ARID4B: variants seen among roughly 807,000 people sequenced by gnomAD.
ARID4B encodes the protein AT-rich interactive domain-containing protein 4B.
ARID4B carries 26 observed loss-of-function variants against 147.5 expected under a neutral mutation model. The ratio of observed to expected loss-of-function variants is 0.18; its 90% CI spans 0.13 to 0.24. ARID4B has a LOEUF of 0.24. Ranked by LOEUF, ARID4B falls within the 10% of genes least tolerant of loss-of-function variation. ARID4B has a pLI of 1.00. For synonymous variants in ARID4B, 512 were observed against 507.9 expected, an observed-to-expected ratio of 1.01 and a Z score of -0.11; for missense variants, 1,179 against 1,511.5, an observed-to-expected ratio of 0.78 and a Z score of 3.65.
At chr1:235,315,750 G>A (rs372576696) in intron 2 of ARID4B, among the ~76,000 whole-genome samples, 2 of 152,138 alleles carry the variant, frequency 1.3e-5, no homozygotes, top group African/African-American at 4.8e-5. Flanking sequence ...ACGTCTAACT[G>A]TATCCTAAAG....
chr1:235,244,524 AAAT>A (rs1669179644), intron 7 of ARID4B, among the ~76,000 whole-genome samples: 1 of 152,186 alleles, frequency 6.6e-6, no homozygotes. Context: ...TAAAAAAAGA[AAAT>A]ACTTGAACTT....
chr1:235,239,156 G>A (rs1235976005), intron 8 of ARID4B, among the ~76,000 whole-genome samples: 3 of 151,950 alleles, frequency 2.0e-5, no homozygotes, highest in Non-Finnish European at 4.4e-5. Context: ...ATTTTTAGTA[G>A]AGACGGGGTT....
intron 17 of ARID4B, among the ~76,000 whole-genome samples, chr1:235,208,427 AT>A (rs911523961): frequency 1.3e-4 from 20 of 152,136 alleles, no homozygotes; most frequent in South Asian, 4.2e-4. Context: ...GCAGAACTAA[AT>A]TTTTTTTAAA....
intron 21 of ARID4B, among the ~76,000 whole-genome samples, chr1:235,177,055 G>A (rs935468736): frequency 2.0e-5 from 3 of 152,214 alleles, no homozygotes; most frequent in Admixed American, 2.0e-4. Flanking sequence ...TTAGCAAAAA[G>A]TATTGTTTGT....
At chr1:235,277,848 T>C (rs1288513460) in intron 2 of ARID4B, among the ~76,000 whole-genome samples, 1 of 152,104 alleles carries the variant, frequency 6.6e-6, no homozygotes, top group Non-Finnish European at 1.5e-5. Flanking sequence ...TAAGGAAACA[T>C]ATTTAAGTCA....
intron 6 of ARID4B, among the ~76,000 whole-genome samples, chr1:235,251,283 A>G (rs966149176): frequency 2.0e-5 from 3 of 152,088 alleles, no homozygotes; most frequent in African/African-American, 7.2e-5. Flanking sequence ...CAATTTGGGT[A>G]GAGAGCTCAC....
chr1:235,175,007 G>A (rs1265844139), intron 22 of ARID4B, among the ~76,000 whole-genome samples, 177 bp downstream of exon 22: 1 of 152,214 alleles, frequency 6.6e-6, no homozygotes, highest in East Asian at 1.9e-4. Flanking sequence ...TTGGGAGGCT[G>A]AGGCAGGAGG....
intron 18 of ARID4B, 93 bp from the exon 19 acceptor site, chr1:235,194,304 T>A: frequency 1.1e-6 from 1 of 928,924 alleles, no homozygotes; most frequent in Non-Finnish European, 1.6e-6. Context: ...TTACAGAATA[T>A]GTTGTTAAAT....
intron 2 of ARID4B, among the ~76,000 whole-genome samples, chr1:235,318,451 C>T (rs2103298986): frequency 6.6e-6 from 1 of 152,100 alleles, no homozygotes; most frequent in African/African-American, 2.4e-5. Context: ...GGATTACAGG[C>T]GTGAGCCATC....
At chr1:235,260,255 T>G (rs904462975) in intron 3 of ARID4B, among the ~76,000 whole-genome samples, 1 of 152,168 alleles carries the variant, frequency 6.6e-6, no homozygotes, top group African/African-American at 2.4e-5. Flanking sequence ...TGCCTTAAAA[T>G]TGATGAACTA....
At chr1:235,193,679 C>T (rs1665281653) in intron 19 of ARID4B, among the ~76,000 whole-genome samples, 1 of 152,194 alleles carries the variant, frequency 6.6e-6, no homozygotes, top group South Asian at 2.1e-4. Context: ...ACAGGTTGAA[C>T]ATCCCAAATC....
chr1:235,321,576 G>A (rs1017935147), intron 2 of ARID4B, among the ~76,000 whole-genome samples: 1 of 152,112 alleles, frequency 6.6e-6, no homozygotes, highest in Non-Finnish European at 1.5e-5. Context: ...CGTGATCTCG[G>A]CTCACTGCAA....
At chr1:235,325,799 A>G (rs1395888202) in intron 2 of ARID4B, among the ~76,000 whole-genome samples, 1 of 152,260 alleles carries the variant, frequency 6.6e-6, no homozygotes, top group Non-Finnish European at 1.5e-5. Flanking sequence ...CCTTAAAAAA[A>G]TTAGACTAAA....
chr1:235,236,834 ATAT>A lies in ARID4B; in HGVS notation c.586-2345_586-2343del, dbSNP rs1286864216. Among the ~76,000 whole-genome samples, 8 of 21,162 alleles carry A rather than the reference ATAT, an allele frequency of 3.8e-4. No homozygotes were observed. The East Asian group carries it at 0.01, about 27-fold the overall frequency. The allele number at this position is 21,162 out of a possible 152,430, so 13.9% of individuals were successfully genotyped here. A position where few individuals can be genotyped will look rare whatever the true frequency, so the allele number is the denominator to read the frequency against. On this transcript the variant is annotated intron_variant, in intron 8 of 23. Transcript: ENST00000264183. ...GGCCCACAAAACGGTTTTATAAAAA[ATAT>A]ATATATATATATATATATATATATA...
intron 10 of ARID4B, among the ~76,000 whole-genome samples, chr1:235,230,351 G>A (rs1668120423): frequency 6.6e-6 from 1 of 151,300 alleles, no homozygotes; most frequent in Non-Finnish European, 1.5e-5. Flanking sequence ...GAGGTGGAGG[G>A]TGCACCGAGA....
At chr1:235,272,007 G>GT (rs1491505088) in intron 2 of ARID4B, among the ~76,000 whole-genome samples, 3 of 151,684 alleles carry the variant, frequency 2.0e-5, no homozygotes, top group African/African-American at 4.8e-5. Flanking sequence ...GTTTTTAATC[G>GT]TGTTTCATAT....
At chr1:235,327,259 C>A (rs989485222) in intron 1 of ARID4B, 22 of 206,364 alleles carry the variant, frequency 1.1e-4, no homozygotes, top group South Asian at 3.4e-4. Context: ...CACAACAAGC[C>A]CGGCGTCCGG....
intron 5 of ARID4B, among the ~76,000 whole-genome samples, chr1:235,254,955 A>G (rs1669859881): frequency 6.6e-6 from 1 of 151,962 alleles, no homozygotes; most frequent in African/African-American, 2.4e-5. Flanking sequence ...GAGAAAACAG[A>G]CAGTGTCTTT....
At chr1:235,251,615 G>C (rs1396978675) in intron 6 of ARID4B, among the ~76,000 whole-genome samples, 1 of 151,818 alleles carries the variant, frequency 6.6e-6, no homozygotes, top group Non-Finnish European at 1.5e-5. Flanking sequence ...ATTCCAAATA[G>C]TGTTTAAGTA....
Sources: allele counts gnomAD v4.1 joint callset (sites outside exome capture counted in the v4.1 genomes callset), GRCh38; gene constraint gnomAD v4.1.1; transcripts MANE v1.5; gene names NCBI Gene and HGNC (gene_info 2026-07-23, HGNC 2026-07-21).